The following SNAP91 variants were observed in gnomAD, a reference collection of about 807,000 sequenced individuals.
The protein encoded by SNAP91 is clathrin coat assembly protein AP180.
A neutral mutation model predicts 100.3 loss-of-function variants in SNAP91; 27 were observed. The ratio of observed to expected loss-of-function variants is 0.27; its 90% CI spans 0.20 to 0.37. The LOEUF (loss-of-function observed/expected upper bound fraction) is 0.37, where lower values mean the gene tolerates loss of function less well. Among genes scored for constraint, SNAP91 ranks in the 10% least tolerant of loss-of-function variants. The pLI, the probability that SNAP91 is intolerant of heterozygous loss-of-function variation, is 1.00. For missense variants in SNAP91, 986 were observed against 1,123.7 expected (o/e 0.88, Z 1.75); for synonymous variants, 404 against 398.6 (o/e 1.01, Z -0.16).
rs765646597 is a variant in SNAP91 at position 83,601,313 on chromosome 6, T to C, written c.1282A>G (p.Thr428Ala). The C allele has an allele frequency of 6.2e-6, 10 of 1,613,268 alleles. No homozygotes were observed. The South Asian group carries it at 8.8e-5, about 14-fold the overall frequency. ...ATASASASTT[T>A]TVTAVTAEVD... Reference sequence around the variant, plus strand: ...TCAGCAGTGACAGCAGTAACAGTTGTAGTAGTGGAGGCAGAAGCTGAGGCA... The same window carrying C: ...TCAGCAGTGACAGCAGTAACAGTTGCAGTAGTGGAGGCAGAAGCTGAGGCA... The change falls in exon 16 of 30, where the codon ACA becomes GCA. Residue 428 changes from threonine to alanine, a missense_variant. Around this residue, in one of 4 missense-constraint regions of SNAP91, gnomAD observed 575 missense variants for 579.9 expected, o/e 0.99. Coordinates refer to ENST00000369694, the MANE Select transcript of SNAP91 (RefSeq NM_001242792.2).
chr6:83,700,609 G>T (rs1387268612), intron 2 of SNAP91, among the ~76,000 whole-genome samples: 13 of 151,544 alleles, frequency 8.6e-5, no homozygotes, highest in Admixed American at 8.6e-4. Flanking sequence ...AGAGATTTCA[G>T]ATAGTTTTTT....
intron 26 of SNAP91, among the ~76,000 whole-genome samples, chr6:83,573,250 T>G (rs990934653): frequency 6.6e-6 from 1 of 152,158 alleles, no homozygotes; most frequent in African/African-American, 2.4e-5. Context: ...ACAAGGGATG[T>G]GAAGGACCTC....
chr6:83,606,528 C>G (rs557350492), intron 13 of SNAP91, among the ~76,000 whole-genome samples: 1 of 152,274 alleles, frequency 6.6e-6, no homozygotes, highest in Admixed American at 6.5e-5. Context: ...CAGGCATACC[C>G]TGTATCTACC....
At chr6:83,580,681 AT>A in intron 23 of SNAP91, 82 bp from the exon 24 acceptor site, 1 of 1,285,138 alleles carries the variant, frequency 7.8e-7, no homozygotes, top group African/African-American at 1.5e-5. Context: ...CTCTCTTTTG[AT>A]ACTATGGAAA....
intron 3 of SNAP91, among the ~76,000 whole-genome samples, chr6:83,665,199 C>T (rs900257721): frequency 6.6e-5 from 10 of 151,966 alleles, no homozygotes; most frequent in African/African-American, 9.7e-5. Flanking sequence ...GGAATCAAAC[C>T]TGCAATATCT....
chr6:83,662,208 T>C (rs982211031), intron 4 of SNAP91, 139 bp downstream of exon 4: 1 of 327,594 alleles, frequency 3.1e-6, no homozygotes, highest in Non-Finnish European at 5.7e-6. Context: ...ATTAAATATT[T>C]TAAAGCTATA....
At position 83,601,502 on chromosome 6, in the gene SNAP91, A is replaced by G. The variant is rs1176649071; in HGVS notation, c.1157-64T>C. 1.7e-5 allele frequency: 27 copies of G among 1,611,116 alleles called. No individual in the cohort carries two copies. The East Asian group carries it at 4.2e-4, about 25-fold the overall frequency. ...AAAAGCAAAGGACAAAAGATATACC[A>G]GACTCCAAATGATCAAAATAAGGAC... is the stretch of plus-strand genomic sequence containing the variant. On this transcript the variant is annotated intron_variant, in intron 15 of 29. Transcript: ENST00000369694.
rs181513442 is a variant in SNAP91, at chr6:83,618,709, C to T, written c.808-1670G>A. Among the ~76,000 whole-genome samples, 15 of 151,600 alleles carry T rather than the reference C, an allele frequency of 9.9e-5. No individual in the cohort carries two copies. The East Asian group carries it at 2.1e-3, about 22-fold the overall frequency. ...CCAGTGATGATGATAATGATGATGA[C>T]GATGATGGAATTTAGGAGGTCTGGG... On this transcript the variant is annotated intron_variant, in intron 9 of 29. Transcript: ENST00000369694.
In SNAP91 at chr6:83,707,832, A is replaced by G; in HGVS notation, c.96T>C (p.His32=). Residue 32 remains histidine (H), a synonymous_variant, in exon 2 of 30, where the codon CAT becomes CAC. Transcript: ENST00000369694. ...VARAVCKATT[H]EVMGPKKKHL... ...GCTTTTTCTTGGGGCCCATTACTTC[A>G]TGAGTAGTGGCTTTGCAGACCGCTC... 2 of 1,613,302 alleles carry G rather than the reference A, an allele frequency of 1.2e-6. No individual in the cohort carries two copies. Among genetic ancestry groups the G allele is most frequent in the Non-Finnish European group, 1.7e-6 (2 of 1,179,618 alleles).
Position 83,649,563 on chromosome 6 carries a change from G to T in SNAP91, c.658+7191C>A, listed in dbSNP as rs116632833. On this transcript the variant is annotated intron_variant, in intron 7 of 29. Coordinates refer to ENST00000369694, the MANE Select transcript of SNAP91 (RefSeq NM_001242792.2). ...CTCACATTGAAGGTGATAGGAGTTA[G>T]TTCATACCTTTTTTGTTTGTTTGTT... is the stretch of plus-strand genomic sequence containing the variant. 3.1e-3 allele frequency among the ~76,000 whole-genome samples: 465 copies of T among 152,124 alleles called. 2 individuals are homozygous for T. Among genetic ancestry groups the T allele is most frequent in the African/African-American group, 0.011 (437 of 41,514 alleles).
At chr6:83,705,544 C>T (rs1451370476) in intron 2 of SNAP91, among the ~76,000 whole-genome samples, 2 of 152,124 alleles carry the variant, frequency 1.3e-5, no homozygotes, top group Non-Finnish European at 2.9e-5. Context: ...GCAGCTCACT[C>T]CTGTAATCCC....
At chr6:83,624,055 T>G (rs2128420311) in intron 8 of SNAP91, among the ~76,000 whole-genome samples, 1 of 152,212 alleles carries the variant, frequency 6.6e-6, no homozygotes, top group Admixed American at 6.5e-5. Flanking sequence ...TTGCAAACAG[T>G]GCTGCACACA....
intron 8 of SNAP91, among the ~76,000 whole-genome samples, chr6:83,630,564 G>A (rs2097165137): frequency 6.6e-6 from 1 of 151,900 alleles, no homozygotes; most frequent in Non-Finnish European, 1.5e-5. Flanking sequence ...CCTGATTTAA[G>A]CTAGGAGGAT....
At chr6:83,617,305 A>C (rs1262911739) in intron 9 of SNAP91, among the ~76,000 whole-genome samples, 1 of 152,086 alleles carries the variant, frequency 6.6e-6, no homozygotes, top group Non-Finnish European at 1.5e-5. Flanking sequence ...ATAGACTTTT[A>C]CTAATACATT....
chr6:83,582,327 G>C lies in SNAP91; in HGVS notation c.2044C>G (p.Pro682Ala), dbSNP rs1328971902. Reference sequence around the variant, plus strand: ...TTCTGAGCTGGAGTCACTGGAGATGGGGAAGGCGCCATGAAAGAACCCCCA... The same window carrying C: ...TTCTGAGCTGGAGTCACTGGAGATGCGGAAGGCGCCATGAAAGAACCCCCA... ...GFGGSFMAPS[P>A]SPVTPAQNNL... Residue 682 changes from proline (P) to alanine (A), a missense_variant, in exon 23 of 30, where the codon CCA becomes GCA. By Grantham distance (27) the Pro-to-Ala change is conservative. Coordinates refer to ENST00000369694, the MANE Select transcript of SNAP91 (RefSeq NM_001242792.2). 10 of 1,613,092 alleles carry C rather than the reference G, an allele frequency of 6.2e-6. No homozygotes were observed. Among genetic ancestry groups the C allele is most frequent in the Non-Finnish European group, 7.6e-6 (9 of 1,179,534 alleles).
chr6:83,653,163 T>C (rs2128665979), intron 7 of SNAP91, among the ~76,000 whole-genome samples: 1 of 152,304 alleles, frequency 6.6e-6, no homozygotes, highest in South Asian at 2.1e-4. Flanking sequence ...GTCGTTATTA[T>C]TTCAAATATT....
rs564440115 is a variant in SNAP91, at chr6:83,621,938, G to T, written c.807+1363C>A. Among the ~76,000 whole-genome samples, 17 of 152,114 alleles carry T rather than the reference G, an allele frequency of 1.1e-4. No homozygotes were observed. In the South Asian group the frequency reaches 3.1e-3, roughly 28 times the overall value. The stretch of plus-strand genomic sequence containing the variant: ...ACTTATGTGGATTATTTTTTAAAAT[G>T]TACTATAAATTTTACTAAAAATGAT... On this transcript the variant is annotated intron_variant, in intron 9 of 29. Transcript: ENST00000369694.
chr6:83,636,890 A>G lies in SNAP91; in HGVS notation c.765+4206T>C, dbSNP rs59869853. 3.1e-3 allele frequency among the ~76,000 whole-genome samples: 474 copies of G among 152,072 alleles called. 2 individuals carry two copies. Among genetic ancestry groups the G allele is most frequent in the African/African-American group, 0.011 (444 of 41,480 alleles). On this transcript the variant is annotated intron_variant, in intron 8 of 29. Transcript: ENST00000369694. Reference sequence around the variant, plus strand: ...GTTGACTGTGGTGAATGTTGTATATAGTTGATCGGTTTCGTTTCTGAGCGC... The same window carrying G: ...GTTGACTGTGGTGAATGTTGTATATGGTTGATCGGTTTCGTTTCTGAGCGC...
intron 2 of SNAP91, among the ~76,000 whole-genome samples, chr6:83,697,998 G>A (rs1460956425): frequency 6.6e-6 from 1 of 152,044 alleles, no homozygotes; most frequent in Non-Finnish European, 1.5e-5. Context: ...TGCACAGGGG[G>A]CCATGTAGGC....
Sources: gnomAD v4.1 joint callset for allele counts (sites outside exome capture counted in the v4.1 genomes callset) on GRCh38, gnomAD v4.1.1 for gene constraint, gnomAD v4.1.1 regional missense constraint, MANE v1.5 for transcripts, NCBI Gene and HGNC (gene_info 2026-07-23, HGNC 2026-07-21) for gene names.